RNLS: variants seen among roughly 807,000 people sequenced by gnomAD.
The protein encoded by RNLS is renalase, FAD dependent amine oxidase, also known as renalase.
In RNLS, 39 loss-of-function variants were observed where a neutral mutation model predicts 39.8. That is an observed-to-expected ratio of 0.98 (90% CI 0.76 to 1.28). The LOEUF (loss-of-function observed/expected upper bound fraction) is 1.28, where lower values mean the gene tolerates loss of function less well. RNLS is among the 50% of genes most tolerant of loss of function. RNLS has a pLI of 0.00. For synonymous variants in RNLS, 147 were observed against 150.7 expected (o/e 0.98, Z 0.18); for missense variants, 410 against 413.3 (o/e 0.99, Z 0.07).
chr10:88,187,798 ATC>A, the RNLS span, among the ~76,000 whole-genome samples: 1 of 152,166 alleles, frequency 6.6e-6, no homozygotes, highest in Admixed American at 6.5e-5. Context: ...ATTATGAATA[ATC>A]TCTCTTTTTC....
At chr10:88,366,663 GAAAAAAAAAAAAAAA>G (rs774157650) in intron 4 of RNLS, among the ~76,000 whole-genome samples, 4 of 25,832 alleles carry the variant, frequency 1.5e-4, no homozygotes, top group African/African-American at 4.8e-4. Flanking sequence ...TAAGTTTTCT[GAAAAAAAAAAAAAAA>G]AAAAAAAAAA....
chr10:88,297,403 G>A (rs900429374), intron 6 of RNLS, among the ~76,000 whole-genome samples: 1 of 152,064 alleles, frequency 6.6e-6, no homozygotes, highest in African/African-American at 2.4e-5. Flanking sequence ...GTTGTAATTT[G>A]AACTCCCTTA....
chr10:88,309,195 G>A (rs562215831), intron 6 of RNLS, among the ~76,000 whole-genome samples: 24 of 152,088 alleles, frequency 1.6e-4, no homozygotes, highest in African/African-American at 5.1e-4. Flanking sequence ...ATACCCGGGT[G>A]ATAAAATAAT....
chr10:88,246,661 T>A, the RNLS span, among the ~76,000 whole-genome samples: 2 of 152,036 alleles, frequency 1.3e-5, no homozygotes, highest in Admixed American at 6.6e-5. Flanking sequence ...CCTCCCACTC[T>A]CTCTCACGGC....
intron 4 of RNLS, among the ~76,000 whole-genome samples, chr10:88,568,102 G>A (rs1052072459): frequency 1.3e-5 from 2 of 152,158 alleles, no homozygotes; most frequent in African/African-American, 4.8e-5. Flanking sequence ...GATGAAAGCA[G>A]GAGAAAATAA....
At chr10:88,399,934 T>C (rs2097515168) in intron 4 of RNLS, among the ~76,000 whole-genome samples, 1 of 151,982 alleles carries the variant, frequency 6.6e-6, no homozygotes, top group Admixed American at 6.6e-5. Flanking sequence ...GGAGAAGTTG[T>C]TCCTTGACTC....
chr10:88,527,369 T>C (rs762229871), intron 4 of RNLS, among the ~76,000 whole-genome samples: 1 of 152,136 alleles, frequency 6.6e-6, no homozygotes, highest in Admixed American at 6.6e-5. Flanking sequence ...CCAGTTTTTA[T>C]CTTTACCAGG....
Position 88,404,935 on chromosome 10 carries a change from A to T in RNLS, c.527-42210T>A, listed in dbSNP as rs187804185. 2.0e-5 allele frequency among the ~76,000 whole-genome samples: 3 copies of T among 152,198 alleles called. No individual in the cohort carries two copies. In the East Asian group the frequency reaches 5.8e-4, roughly 29 times the overall value. ...GGAAACTACAAAAACAATTCTTCAAATTGGCAAATAAATATTCTCCAGATG... is the reference window on the plus strand; with the variant it reads ...GGAAACTACAAAAACAATTCTTCAATTTGGCAAATAAATATTCTCCAGATG... On this transcript the variant is annotated intron_variant, in intron 4 of 6. Coordinates refer to ENST00000331772, the MANE Select transcript of RNLS (RefSeq NM_001031709.3).
At chr10:88,508,281 A>G (rs975890741) in intron 4 of RNLS, among the ~76,000 whole-genome samples, 2 of 152,172 alleles carry the variant, frequency 1.3e-5, no homozygotes, top group African/African-American at 2.4e-5. Flanking sequence ...CTGTGTTTGA[A>G]TAACTCCATC....
intron 3 of RNLS, among the ~76,000 whole-genome samples, chr10:88,581,067 C>T (rs189478046): frequency 9.2e-5 from 14 of 152,036 alleles, no homozygotes; most frequent in Admixed American, 5.2e-4. Context: ...CAACCCCATA[C>T]AGCCTAAATA....
chr10:88,555,781 G>T (rs1020292071), intron 4 of RNLS, among the ~76,000 whole-genome samples: 3 of 151,946 alleles, frequency 2.0e-5, no homozygotes, highest in African/African-American at 2.4e-5. Flanking sequence ...ACACTTTCTT[G>T]GCCTATGGGA....
chr10:88,480,356 A>AT (rs1844082027), intron 4 of RNLS, among the ~76,000 whole-genome samples: 2 of 152,252 alleles, frequency 1.3e-5, no homozygotes, highest in South Asian at 4.1e-4. Flanking sequence ...GTTTCCTGAG[A>AT]TTCTTATAAG....
the RNLS span, among the ~76,000 whole-genome samples, chr10:88,215,994 G>A: frequency 2.0e-5 from 3 of 151,900 alleles, no homozygotes; most frequent in Non-Finnish European, 2.9e-5. Flanking sequence ...CACCGTGCCC[G>A]GCCTCATCTG....
intron 3 of RNLS, among the ~76,000 whole-genome samples, chr10:88,580,006 C>A (rs973373796): frequency 6.6e-6 from 1 of 152,184 alleles, no homozygotes; most frequent in African/African-American, 2.4e-5. Context: ...TGAACTGGCT[C>A]ATCAGCTTTT....
At chr10:88,204,988 T>G in the RNLS span, among the ~76,000 whole-genome samples, 1 of 152,154 alleles carries the variant, frequency 6.6e-6, no homozygotes, top group Non-Finnish European at 1.5e-5. Flanking sequence ...GAATATCCAG[T>G]GCGGTAAGAA....
chr10:88,458,761 T>C (rs562624615), intron 4 of RNLS, among the ~76,000 whole-genome samples: 34 of 152,286 alleles, frequency 2.2e-4, no homozygotes, highest in African/African-American at 5.3e-4. Flanking sequence ...AAACCCATGA[T>C]AACAGTCCTC....
intron 5 of RNLS, among the ~76,000 whole-genome samples, chr10:88,331,816 C>T (rs1847135516): frequency 1.3e-5 from 2 of 152,092 alleles, no homozygotes; most frequent in Non-Finnish European, 2.9e-5. Context: ...TTTTATATGG[C>T]TCCCAGGCTC....
chr10:88,545,490 C>T (rs955516000), intron 4 of RNLS: 1 of 455,628 alleles, frequency 2.2e-6, no homozygotes. Flanking sequence ...TGTACAACTG[C>T]CCTTTACAAA....
intron 3 of RNLS, 105 bp downstream of exon 3, chr10:88,581,462 A>T: frequency 3.2e-6 from 3 of 944,058 alleles, no homozygotes; most frequent in Non-Finnish European, 4.6e-6. Context: ...CAAATAGAGC[A>T]CCTAATATTT....
Sources: gnomAD v4.1 joint callset for allele counts (sites outside exome capture counted in the v4.1 genomes callset) on GRCh38, gnomAD v4.1.1 for gene constraint, MANE v1.5 for transcripts, NCBI Gene and HGNC (gene_info 2026-07-23, HGNC 2026-07-21) for gene names.